Variants in KALRN observed in about 807,000 individuals in gnomAD.
KALRN encodes kalirin RhoGEF kinase.
KALRN carries 70 observed loss-of-function variants against 353.7 expected under a neutral mutation model. The ratio of observed to expected loss-of-function variants is 0.20; its 90% confidence interval spans 0.16 to 0.24. The LOEUF is 0.24. KALRN is among the 10% of genes least tolerant of loss of function. KALRN has a pLI of 1.00. For missense variants in KALRN, 2,791 were observed against 3,756.7 expected, an observed-to-expected ratio of 0.74 and a Z score of 6.72; for synonymous variants, 1,391 against 1,434.8, an observed-to-expected ratio of 0.97 and a Z score of 0.69.
At chr3:124,237,440 G>A (rs1053920378) in intron 3 of KALRN, among the ~76,000 whole-genome samples, 1 of 150,494 alleles carries the variant, frequency 6.6e-6, no homozygotes, top group Non-Finnish European at 1.5e-5. Flanking sequence ...TCGGTTCACT[G>A]TAACCTCTGC....
chr3:124,117,302 A>C (rs1197304264), intron 1 of KALRN, among the ~76,000 whole-genome samples: 1 of 150,460 alleles, frequency 6.6e-6, no homozygotes, highest in Non-Finnish European at 1.5e-5. Flanking sequence ...AATTTCTTTT[A>C]TGGAAAAGAA....
At chr3:124,666,888 C>T (rs192207264) in intron 46 of KALRN, 124 bp from the exon 47 acceptor site, 1 of 974,352 alleles carries the variant, frequency 1.0e-6, no homozygotes, top group Non-Finnish European at 1.5e-6. Context: ...TAAGTACTGT[C>T]CTGCTAGATC....
chr3:124,568,111 G>A (rs2073074562), intron 34 of KALRN, among the ~76,000 whole-genome samples: 1 of 152,162 alleles, frequency 6.6e-6, no homozygotes, highest in Admixed American at 6.5e-5. Flanking sequence ...GAAAGGTTGA[G>A]GGTTAATGTC....
chr3:124,617,440 CCAAA>C (rs1234504411), intron 34 of KALRN, among the ~76,000 whole-genome samples: 1 of 152,112 alleles, frequency 6.6e-6, no homozygotes, highest in Non-Finnish European at 1.5e-5. Flanking sequence ...TTTATCAGTG[CCAAA>C]CAAATAGCAC....
At chr3:124,286,091 C>A (rs1420055134) in intron 5 of KALRN, among the ~76,000 whole-genome samples, 1 of 136,192 alleles carries the variant, frequency 7.3e-6, no homozygotes, top group Non-Finnish European at 1.6e-5. Context: ...TCCTTTCTTT[C>A]TTTCTTTCTT....
intron 1 of KALRN, among the ~76,000 whole-genome samples, chr3:124,226,257 T>C (rs2078488198): frequency 6.6e-6 from 1 of 152,238 alleles, no homozygotes; most frequent in South Asian, 2.1e-4. Flanking sequence ...TAATTTATAT[T>C]GATCCTAATT....
chr3:124,422,279 C>T (rs1274973188), intron 14 of KALRN, among the ~76,000 whole-genome samples: 3 of 151,926 alleles, frequency 2.0e-5, no homozygotes, highest in Admixed American at 6.6e-5. Context: ...TGTCCATGTG[C>T]GACACTTGCG....
At chr3:124,632,966 GT>G (rs1435998621) in intron 35 of KALRN, among the ~76,000 whole-genome samples, 41 of 152,320 alleles carry the variant, frequency 2.7e-4, no homozygotes, top group African/African-American at 9.6e-4. Context: ...GAGTCATTTG[GT>G]CATTAGTTCC....
intron 34 of KALRN, among the ~76,000 whole-genome samples, chr3:124,590,571 T>A (rs2075673489): frequency 1.3e-5 from 2 of 152,182 alleles, no homozygotes; most frequent in African/African-American, 4.8e-5. Flanking sequence ...GTGGTATTCC[T>A]TTTAAGAATC....
At chr3:124,114,372 C>T (rs930374465) in intron 1 of KALRN, among the ~76,000 whole-genome samples, 3 of 152,130 alleles carry the variant, frequency 2.0e-5, no homozygotes, top group Non-Finnish European at 4.4e-5. Context: ...AGGAGAGGAA[C>T]CCTGTGCAAA....
intron 11 of KALRN, among the ~76,000 whole-genome samples, chr3:124,385,898 T>TC (rs561788885): frequency 2.0e-4 from 30 of 150,556 alleles, no homozygotes; most frequent in South Asian, 1.3e-3. Flanking sequence ...CATGCTTGTG[T>TC]CCCCCCCCAG....
At chr3:124,450,755 G>A (rs2058695601) in intron 21 of KALRN, among the ~76,000 whole-genome samples, 1 of 152,032 alleles carries the variant, frequency 6.6e-6, no homozygotes, top group African/African-American at 2.4e-5. Context: ...TAGAGACAGG[G>A]TTTCACCATG....
intron 34 of KALRN, among the ~76,000 whole-genome samples, chr3:124,572,729 G>A (rs1429553324): frequency 6.6e-6 from 1 of 152,224 alleles, no homozygotes; most frequent in Non-Finnish European, 1.5e-5. Context: ...AACAAAAGTT[G>A]TCTGTGGCTT....
At chr3:124,529,380 G>A (rs555958328) in intron 33 of KALRN, among the ~76,000 whole-genome samples, 1 of 152,208 alleles carries the variant, frequency 6.6e-6, no homozygotes, top group Non-Finnish European at 1.5e-5. Flanking sequence ...TGTTATACTT[G>A]GCAAAAACAA....
chr3:124,710,093 T>C (rs979430592), intron 57 of KALRN, among the ~76,000 whole-genome samples: 2 of 152,260 alleles, frequency 1.3e-5, no homozygotes, highest in Non-Finnish European at 1.5e-5. Context: ...CAATCAAGTA[T>C]AAAAGTAGAA....
chr3:124,249,900 T>A (rs1431207186), intron 3 of KALRN, among the ~76,000 whole-genome samples: 1 of 152,112 alleles, frequency 6.6e-6, no homozygotes, highest in African/African-American at 2.4e-5. Context: ...ATCACAAGGT[T>A]TTTCCTCCAT....
chr3:124,642,172 T>C (rs1660035), intron 37 of KALRN, among the ~76,000 whole-genome samples: 35,628 of 151,920 alleles, frequency 0.23, 4,475 homozygotes, highest in East Asian at 0.47. Flanking sequence ...TAATCCCAGC[T>C]ACTCCGGAGG....
At chr3:124,648,799 C>G (rs1238409276) in intron 37 of KALRN, among the ~76,000 whole-genome samples, 1 of 152,204 alleles carries the variant, frequency 6.6e-6, no homozygotes, top group Non-Finnish European at 1.5e-5. Context: ...GTGATGGCAC[C>G]AGGAGACATG....
At chr3:124,547,964 C>A (rs939664089) in intron 33 of KALRN, among the ~76,000 whole-genome samples, 2 of 152,074 alleles carry the variant, frequency 1.3e-5, no homozygotes, top group Non-Finnish European at 2.9e-5. Context: ...TATAACTTGC[C>A]CAAGTGTTCC....
Sources: gnomAD v4.1 joint callset for allele counts (sites outside exome capture counted in the v4.1 genomes callset) on GRCh38, gnomAD v4.1.1 for gene constraint, MANE v1.5 for transcripts, NCBI Gene and HGNC (gene_info 2026-07-23, HGNC 2026-07-21) for gene names.